The following CSMD1 variants were observed in gnomAD, a reference collection of about 807,000 sequenced individuals.
CSMD1 encodes the protein CUB and sushi domain-containing protein 1.
Under a neutral mutation model 417.5 loss-of-function variants are expected in CSMD1, and 213 were observed. That is an observed-to-expected ratio of 0.51 (90% CI 0.46 to 0.57). The LOEUF is 0.57. Among genes scored for constraint, CSMD1 ranks in the 20% least tolerant of loss-of-function variants. CSMD1 has a pLI of 0.00. For missense variants in CSMD1, 6,923 were observed against 4,529.7 expected, an observed-to-expected ratio of 1.53 and a Z score of -15.17; for synonymous variants, 2,862 against 1,736.8, an observed-to-expected ratio of 1.65 and a Z score of -16.11.
intron 7 of CSMD1, among the ~76,000 whole-genome samples, chr8:3,670,501 CATAT>C (rs374623101): frequency 3.2e-5 from 4 of 125,134 alleles, no homozygotes; most frequent in Admixed American, 8.0e-5. Flanking sequence ...ATATATATCC[CATAT>C]ATATATATAT....
intron 3 of CSMD1, among the ~76,000 whole-genome samples, chr8:4,058,677 G>T (rs1345029088): frequency 1.4e-5 from 2 of 143,430 alleles, no homozygotes; most frequent in South Asian, 2.4e-4. Flanking sequence ...AACCAACAAA[G>T]ATCAAAAGAG....
At chr8:3,683,422 G>C (rs1264513097) in intron 7 of CSMD1, among the ~76,000 whole-genome samples, 8 of 151,988 alleles carry the variant, frequency 5.3e-5, no homozygotes, top group South Asian at 2.1e-4. Context: ...GCAATGGTTT[G>C]AAACTATCTG....
At chr8:3,771,889 C>A (rs903489411) in intron 5 of CSMD1, among the ~76,000 whole-genome samples, 1 of 152,070 alleles carries the variant, frequency 6.6e-6, no homozygotes, top group African/African-American at 2.4e-5. Flanking sequence ...CAGTCCTGAT[C>A]TGACCCAGAT....
chr8:4,058,031 C>A (rs532786329), intron 3 of CSMD1, among the ~76,000 whole-genome samples: 24 of 151,316 alleles, frequency 1.6e-4, no homozygotes, highest in African/African-American at 5.6e-4. Context: ...TTTTTTGGTT[C>A]CATATGAATT....
intron 3 of CSMD1, among the ~76,000 whole-genome samples, chr8:4,234,941 T>C (rs748710144): frequency 6.6e-6 from 1 of 152,174 alleles, no homozygotes; most frequent in Non-Finnish European, 1.5e-5. Flanking sequence ...TGTGCTAATC[T>C]TGATTCTAAG....
intron 1 of CSMD1, among the ~76,000 whole-genome samples, chr8:4,778,858 G>C (rs1319580606): frequency 1.3e-5 from 2 of 152,182 alleles, no homozygotes; most frequent in Non-Finnish European, 2.9e-5. Context: ...TTACTTTCAA[G>C]AACTGCTATA....
chr8:3,756,171 G>A (rs1797646363), intron 5 of CSMD1, among the ~76,000 whole-genome samples: 1 of 151,842 alleles, frequency 6.6e-6, no homozygotes, highest in Non-Finnish European at 1.5e-5. Flanking sequence ...CATGGCAACG[G>A]TAAAACCCTG....
rs80350430 is a variant in CSMD1, at chr8:4,952,132, C to A, written c.85+42200G>T. Among the ~76,000 whole-genome samples, 1,425 of 151,918 alleles carry A rather than the reference C, an allele frequency of 9.4e-3. 24 individuals carry two copies. Among genetic ancestry groups the A allele is most frequent in the African/African-American group, 0.029 (1,210 of 41,506 alleles). ...GAATAGTCTTAATTTCACTAAATAT[C>A]TTGCACAAAATAATGTCTTAAAATT... On this transcript the variant is annotated intron_variant, in intron 1 of 69. Coordinates refer to ENST00000635120, the MANE Select transcript of CSMD1 (RefSeq NM_033225.6).
intron 5 of CSMD1, among the ~76,000 whole-genome samples, chr8:3,883,598 T>C (rs1005730207): frequency 2.0e-5 from 3 of 152,222 alleles, no homozygotes; most frequent in Admixed American, 1.3e-4. Flanking sequence ...ATTAGTGTTA[T>C]TATTTATTTG....
chr8:3,463,491 C>A (rs1563063388), intron 12 of CSMD1, among the ~76,000 whole-genome samples: 1 of 152,210 alleles, frequency 6.6e-6, no homozygotes, highest in Non-Finnish European at 1.5e-5. Context: ...TGCAGCTTCA[C>A]CTTCTCTTTA....
chr8:3,367,295 C>CA, intron 19 of CSMD1, 48 bp from the exon 20 acceptor site: 1 of 1,306,380 alleles, frequency 7.7e-7, no homozygotes, highest in Admixed American at 2.0e-5. Flanking sequence ...GAGAGACACA[C>CA]GGGGCGGCGG....
intron 5 of CSMD1, among the ~76,000 whole-genome samples, chr8:3,808,539 A>G (rs1800880184): frequency 1.3e-5 from 2 of 152,222 alleles, no homozygotes; most frequent in South Asian, 4.1e-4. Flanking sequence ...ATTTACATGC[A>G]AAGTCTGTCT....
intron 5 of CSMD1, among the ~76,000 whole-genome samples, chr8:3,793,728 T>C (rs1799879500): frequency 6.6e-6 from 1 of 152,196 alleles, no homozygotes; most frequent in Admixed American, 6.5e-5. Context: ...TCTTGTGCAC[T>C]TTTTATTTTC....
intron 3 of CSMD1, among the ~76,000 whole-genome samples, chr8:4,418,930 A>G (rs1228293): frequency 0.92 from 140,189 of 152,194 alleles, 64,699 homozygotes; most frequent in East Asian, 1. Context: ...AACTTTAAGC[A>G]AAAGGATAAG....
At chr8:3,870,082 A>T (rs942400955) in intron 5 of CSMD1, among the ~76,000 whole-genome samples, 1 of 151,676 alleles carries the variant, frequency 6.6e-6, no homozygotes, top group Non-Finnish European at 1.5e-5. Flanking sequence ...TATAATGATT[A>T]TTAAGTTATC....
rs562000066 is a variant in CSMD1, at chr8:3,029,285, C to G, written c.7855+34G>C. ...AGCCATCTAGAATAATCTAGGATGCCGTGACTTTCAGGGGTGCCTCCCTCA... is the reference window on the plus strand; with the variant it reads ...AGCCATCTAGAATAATCTAGGATGCGGTGACTTTCAGGGGTGCCTCCCTCA... On this transcript the variant is annotated intron_variant, in intron 51 of 69. Coordinates refer to ENST00000635120, the MANE Select transcript of CSMD1 (RefSeq NM_033225.6). 3 of 1,554,726 alleles carry G rather than the reference C, an allele frequency of 1.9e-6. 1 individual carries two copies. The highest frequency in any genetic ancestry group is 2.6e-6 in the Non-Finnish European group (3 of 1,145,528).
At chr8:4,989,737 T>C (rs1811365859) in intron 1 of CSMD1, among the ~76,000 whole-genome samples, 1 of 152,010 alleles carries the variant, frequency 6.6e-6, no homozygotes, top group African/African-American at 2.4e-5. Context: ...CAATAGAGAG[T>C]ATTTAATATG....
At chr8:4,764,650 T>A (rs1189536696) in intron 1 of CSMD1, among the ~76,000 whole-genome samples, 10 of 150,988 alleles carry the variant, frequency 6.6e-5, no homozygotes, top group African/African-American at 1.9e-4. Flanking sequence ...CTCTTTGGTG[T>A]TCTTAACCCA....
At chr8:4,167,549 G>C (rs572945171) in intron 3 of CSMD1, among the ~76,000 whole-genome samples, 80 of 152,222 alleles carry the variant, frequency 5.3e-4, no homozygotes, top group African/African-American at 1.8e-3. Context: ...AATCTTGCTT[G>C]TTGCAGAAAT....
Sources: gnomAD v4.1 joint callset for allele counts (sites outside exome capture counted in the v4.1 genomes callset) on GRCh38, gnomAD v4.1.1 for gene constraint, MANE v1.5 for transcripts, NCBI Gene and HGNC (gene_info 2026-07-23, HGNC 2026-07-21) for gene names.